Variants in SURF4 observed in about 807,000 individuals in gnomAD.
The protein encoded by SURF4 is surfeit 4.
Under a neutral mutation model 30.0 loss-of-function variants are expected in SURF4, and 3 were observed. That is an observed-to-expected ratio of 0.10 (90% CI 0.05 to 0.26). The LOEUF (loss-of-function observed/expected upper bound fraction) is 0.26. SURF4 is among the 10% of genes least tolerant of loss of function. SURF4 has a pLI of 1.00. For synonymous variants in SURF4, 143 were observed against 139.9 expected (o/e 1.02, Z -0.16); for missense variants, 217 against 350.8 (o/e 0.62, Z 3.05).
At chr9:133,376,353 G>T, upstream of SURF4, 1 of 1,381,932 alleles carries the variant, frequency 7.2e-7, no homozygotes, top group African/African-American at 1.5e-5. Context: ...GCCAGCGCGC[G>T]GGAGGGACGC....
chr9:133,376,127 A>G (rs1419858306), upstream of SURF4: 4 of 1,203,764 alleles, frequency 3.3e-6, no homozygotes, highest in Non-Finnish European at 3.1e-6. Flanking sequence ...CCAAGCCTTA[A>G]AGGGGCCGCG....
chr9:133,363,934 G>T lies in SURF4; in HGVS notation c.544-175C>A. On this transcript the variant is annotated intron_variant, in intron 5 of 5. Coordinates refer to ENST00000371989, the MANE Select transcript of SURF4 (RefSeq NM_033161.4). The surrounding 1 kb of genome is among the most constrained non-coding windows in gnomAD (Gnocchi z 4.3). ...GATAAAAGCCAAAGGGAGGCAGGAG[G>T]CAATAAAGCACCAGCTTTGAAATGT... 1 of 791,526 alleles carries T rather than the reference G, an allele frequency of 1.3e-6. No individual in the cohort carries two copies. Among genetic ancestry groups the T allele is most frequent in the Non-Finnish European group, 2.2e-6 (1 of 453,318 alleles). The allele number at this position is 791,526 out of a possible 1,614,324, so 49.0% of individuals were successfully genotyped here.
At chr9:133,369,061 C>T (rs1003987041) in intron 1 of SURF4, among the ~76,000 whole-genome samples, 11 of 152,198 alleles carry the variant, frequency 7.2e-5, no homozygotes, top group African/African-American at 2.7e-4. Context: ...ATCTCAGTTA[C>T]CACGCCCCTG....
chr9:133,376,079 C>T (rs1837914197), upstream of SURF4: 1 of 1,206,350 alleles, frequency 8.3e-7, no homozygotes, highest in Non-Finnish European at 1.0e-6. Context: ...GCCGGCCTCG[C>T]TCCGCGTCGG....
At chr9:133,371,055 G>A (rs1301067790) in intron 1 of SURF4, 9 of 1,252,886 alleles carry the variant, frequency 7.2e-6, no homozygotes, top group African/African-American at 6.1e-5. Flanking sequence ...TATCCACCCT[G>A]AGATGACTTC....
chr9:133,376,230 C>G, upstream of SURF4: 1 of 1,285,764 alleles, frequency 7.8e-7, no homozygotes, highest in Non-Finnish European at 9.8e-7. Context: ...CCGCCGCGCT[C>G]GACGCCACGC....
At chr9:133,372,512 G>T (rs1164019582) in intron 1 of SURF4, 2 of 820,806 alleles carry the variant, frequency 2.4e-6, no homozygotes, top group Non-Finnish European at 2.9e-6. Context: ...GTCTATCATG[G>T]ACCCGGCCCA....
intron 2 of SURF4, 88 bp downstream of exon 2, chr9:133,367,171 A>AC: frequency 6.7e-7 from 1 of 1,484,648 alleles, no homozygotes. Flanking sequence ...AGTCCAGGAG[A>AC]CCCCCGAGTT....
chr9:133,363,845 A>C lies in SURF4; in HGVS notation c.544-86T>G. The C allele has an allele frequency of 6.6e-7, 1 of 1,525,168 alleles. No individual in the cohort carries two copies. Among genetic ancestry groups the C allele is most frequent in the Non-Finnish European group, 9.0e-7 (1 of 1,107,750 alleles). The allele number at this position is 1,525,168 out of a possible 1,614,324, so 94.5% of individuals were successfully genotyped here. ...ACAAAAGTTCCAGCTGCTGCACGTC[A>C]TGAAGTCTCTATCCATCAGGCTGAT... On this transcript the variant is annotated intron_variant, in intron 5 of 5. Transcript: ENST00000371989. The surrounding 1 kb of genome is among the most constrained non-coding windows in gnomAD (Gnocchi z 4.3).
chr9:133,376,821 A>G (rs1363073133), upstream of SURF4, among the ~76,000 whole-genome samples: 2 of 152,106 alleles, frequency 1.3e-5, no homozygotes, highest in Non-Finnish European at 2.9e-5. Flanking sequence ...CAGCTCCTCT[A>G]TCCTTCGTGC....
upstream of SURF4, chr9:133,376,294 C>G: frequency 7.5e-7 from 1 of 1,337,602 alleles, no homozygotes; most frequent in Non-Finnish European, 9.5e-7. Flanking sequence ...TCCCTCCCGG[C>G]CCGGCGGAAC....
chr9:133,363,529 C>A lies in SURF4; in HGVS notation c.774G>T (p.Gly258=). Residue 258 remains glycine (G), a synonymous_variant, in exon 6 of 6, where the codon GGG becomes GGT. Transcript: ENST00000371989. This position sits in a 1 kb window ranked among gnomAD's most constrained non-coding sequence, Gnocchi z 4.3. ...GLLLVVALGP[G]GVSMDEKKKE... The stretch of plus-strand genomic sequence containing the variant: ...TCTTCTTCTCATCCATGGAGACACC[C>A]CCAGGGCCCAGGGCCACCACCAGGA... 6.2e-7 allele frequency: 1 copy of A among 1,614,152 alleles called. No homozygotes were observed. The highest frequency in any genetic ancestry group is 1.3e-5 in the African/African-American group (1 of 75,034).
upstream of SURF4, chr9:133,376,146 G>A: frequency 1.7e-6 from 2 of 1,207,298 alleles, no homozygotes; most frequent in Non-Finnish European, 1.0e-6. Context: ...CGCGCCGCCC[G>A]GGCCCGCCCC....
chr9:133,376,092 G>C, upstream of SURF4: 1 of 1,204,076 alleles, frequency 8.3e-7, no homozygotes, highest in Non-Finnish European at 1.0e-6. Flanking sequence ...CGCGTCGGCT[G>C]CGGCTCCAGC....
intron 1 of SURF4, chr9:133,370,896 T>A (rs2130184200): frequency 7.8e-7 from 1 of 1,289,722 alleles, no homozygotes; most frequent in African/African-American, 1.5e-5. Context: ...AAGCTTCTCA[T>A]TAAGTCTCTC....
chr9:133,364,265 C>T (rs1041275496), intron 5 of SURF4, among the ~76,000 whole-genome samples: 1 of 152,162 alleles, frequency 6.6e-6, no homozygotes, highest in Non-Finnish European at 1.5e-5. Flanking sequence ...AAGGGGAGCC[C>T]GGGTGGAGAG....
chr9:133,376,181 C>A (rs1445999189), upstream of SURF4: 4 of 1,244,216 alleles, frequency 3.2e-6, no homozygotes, highest in Non-Finnish European at 4.0e-6. Context: ...GGGCCACGCG[C>A]CATCCCCAGC....
intron 2 of SURF4, among the ~76,000 whole-genome samples, chr9:133,367,016 A>T (rs1037915286): frequency 2.0e-5 from 3 of 152,184 alleles, no homozygotes; most frequent in Non-Finnish European, 4.4e-5. Context: ...TGGGTCCCTG[A>T]CAGGGACCAT....
rs2130085147 is a variant in SURF4 at position 133,363,397 on chromosome 9, AGAG to A, written c.*93_*95del. 1 of 1,587,846 alleles carries A rather than the reference AGAG, an allele frequency of 6.3e-7. No individual in the cohort carries two copies. Among genetic ancestry groups the A allele is most frequent in the East Asian group, 2.2e-5 (1 of 44,658 alleles). The stretch of plus-strand genomic sequence containing the variant: ...GCCTTTACCAAGGGAGGGGAAGGGA[AGAG>A]GATACATAAAAGCTGGCAGTTTTGT... On this transcript the variant is annotated 3_prime_UTR_variant, in exon 6 of 6. Transcript: ENST00000371989. The surrounding 1 kb of genome is among the most constrained non-coding windows in gnomAD (Gnocchi z 4.3).
Sources: allele counts gnomAD v4.1 joint callset (sites outside exome capture counted in the v4.1 genomes callset), GRCh38; gene constraint gnomAD v4.1.1; non-coding constraint Gnocchi (gnomAD v3.1); transcripts MANE v1.5; gene names NCBI Gene and HGNC (gene_info 2026-07-23, HGNC 2026-07-21).